Variants in IQCJ observed in about 807,000 individuals in gnomAD.
IQCJ encodes IQ domain-containing protein J.
IQCJ carries 9 observed loss-of-function variants against 11.0 expected under a neutral mutation model. The ratio of observed to expected loss-of-function variants is 0.82; its 90% CI spans 0.49 to 1.43. The LOEUF (loss-of-function observed/expected upper bound fraction) is 1.43. IQCJ is among the 40% of genes most tolerant of loss of function. The pLI is 0.00. For synonymous variants in IQCJ, 55 were observed against 51.3 expected, an observed-to-expected ratio of 1.07 and a Z score of -0.31; for missense variants, 146 against 133.2, an observed-to-expected ratio of 1.10 and a Z score of -0.47.
intron 1 of IQCJ, among the ~76,000 whole-genome samples, chr3:159,235,397 T>A (rs1016787670): frequency 2.0e-5 from 3 of 152,224 alleles, no homozygotes; most frequent in Non-Finnish European, 2.9e-5. Context: ...AGTTTTTGAA[T>A]GTCATGATCT....
At chr3:159,170,919 T>G (rs1722452555) in intron 1 of IQCJ, among the ~76,000 whole-genome samples, 1 of 152,234 alleles carries the variant, frequency 6.6e-6, no homozygotes, top group Non-Finnish European at 1.5e-5. Flanking sequence ...AGGAGCAATA[T>G]TTTCTTTAGT....
chr3:159,253,367 A>G (rs76687681), intron 3 of IQCJ, among the ~76,000 whole-genome samples: 4,838 of 152,196 alleles, frequency 0.032, 238 homozygotes, highest in African/African-American at 0.11. Flanking sequence ...CAACATCTCA[A>G]TATTAACAAA....
At chr3:159,086,682 G>C (rs749699193) in intron 1 of IQCJ, among the ~76,000 whole-genome samples, 1 of 151,828 alleles carries the variant, frequency 6.6e-6, no homozygotes, top group South Asian at 2.1e-4. Flanking sequence ...TGAAGCAATT[G>C]TGAATGGGAG....
intron 2 of IQCJ, among the ~76,000 whole-genome samples, chr3:159,251,636 A>C (rs543198833): frequency 3.9e-5 from 6 of 152,094 alleles, no homozygotes; most frequent in African/African-American, 1.2e-4. Flanking sequence ...ACACACACAC[A>C]CCCCTACCTT....
chr3:159,219,742 T>C (rs961029916), intron 1 of IQCJ, among the ~76,000 whole-genome samples: 2 of 152,096 alleles, frequency 1.3e-5, no homozygotes, highest in African/African-American at 4.8e-5. Context: ...GCTAGTCTCA[T>C]TGGGAGATAC....
At chr3:159,245,787 C>T (rs2108196072) in intron 1 of IQCJ, 56 bp from the exon 2 acceptor site, 1 of 1,402,110 alleles carries the variant, frequency 7.1e-7, no homozygotes, top group Non-Finnish European at 9.8e-7. Flanking sequence ...GCTTGAATAG[C>T]ATTGCTCGGA....
intron 1 of IQCJ, among the ~76,000 whole-genome samples, chr3:159,208,540 C>T (rs1011844036): frequency 1.3e-5 from 2 of 152,196 alleles, no homozygotes; most frequent in Non-Finnish European, 2.9e-5. Flanking sequence ...GGGTACTTGT[C>T]CTCATCCAGG....
intron 1 of IQCJ, among the ~76,000 whole-genome samples, chr3:159,183,909 A>G (rs60549804): frequency 0.048 from 7,257 of 151,454 alleles, 573 homozygotes; most frequent in African/African-American, 0.17. Context: ...CCCTATTCCT[A>G]TTTAATTCAA....
intron 1 of IQCJ, among the ~76,000 whole-genome samples, chr3:159,123,606 G>T (rs1577023719): frequency 6.6e-6 from 1 of 151,976 alleles, no homozygotes; most frequent in Non-Finnish European, 1.5e-5. Context: ...AACAGAATGG[G>T]TGGGCAGGAC....
At chr3:159,085,471 T>C (rs1716681011) in intron 1 of IQCJ, among the ~76,000 whole-genome samples, 2 of 151,680 alleles carry the variant, frequency 1.3e-5, no homozygotes, top group African/African-American at 2.4e-5. Context: ...TTTCTAGTTC[T>C]AGATCCCTGA....
intron 1 of IQCJ, among the ~76,000 whole-genome samples, chr3:159,163,682 T>C (rs1269086930): frequency 6.6e-6 from 1 of 152,154 alleles, no homozygotes; most frequent in East Asian, 1.9e-4. Flanking sequence ...TCATGTATTA[T>C]CTCACTTGAT....
At chr3:159,216,040 C>G (rs192593584) in intron 1 of IQCJ, among the ~76,000 whole-genome samples, 1 of 139,608 alleles carries the variant, frequency 7.2e-6, no homozygotes, top group Non-Finnish European at 1.5e-5. Flanking sequence ...TTTCTCCCTT[C>G]CCTTGAAGAG....
intron 1 of IQCJ, among the ~76,000 whole-genome samples, chr3:159,232,214 G>T (rs1726297748): frequency 6.6e-6 from 1 of 151,916 alleles, no homozygotes; most frequent in Non-Finnish European, 1.5e-5. Context: ...TGTTTTAATT[G>T]TGATGTTAGG....
chr3:159,252,944 T>C, intron 3 of IQCJ, 137 bp downstream of exon 3: 2 of 825,870 alleles, frequency 2.4e-6, no homozygotes, highest in East Asian at 5.5e-5. Context: ...CTCCCTCTTC[T>C]AAGCAGGAAC....
chr3:159,142,397 G>A (rs1424011511), intron 1 of IQCJ, among the ~76,000 whole-genome samples: 2 of 146,190 alleles, frequency 1.4e-5, no homozygotes, highest in African/African-American at 5.2e-5. Context: ...ATCCATGATG[G>A]TAAGTGCACT....
At chr3:159,226,595 G>T (rs915208567) in intron 1 of IQCJ, among the ~76,000 whole-genome samples, 2 of 152,190 alleles carry the variant, frequency 1.3e-5, no homozygotes, top group Non-Finnish European at 2.9e-5. Context: ...GGACCATCCC[G>T]TAAATTTCTG....
At chr3:159,156,198 C>A (rs1721511409) in intron 1 of IQCJ, among the ~76,000 whole-genome samples, 1 of 152,074 alleles carries the variant, frequency 6.6e-6, no homozygotes, top group Non-Finnish European at 1.5e-5. Flanking sequence ...ATCTTGGAGA[C>A]AAGAGAAATC....
chr3:159,257,751 T>C (rs1727977768), intron 3 of IQCJ, among the ~76,000 whole-genome samples: 2 of 152,176 alleles, frequency 1.3e-5, no homozygotes, highest in South Asian at 4.1e-4. Context: ...TATAGAAAAA[T>C]CAACTAACAG....
At chr3:159,167,501 C>T (rs1275312342) in intron 1 of IQCJ, among the ~76,000 whole-genome samples, 1 of 152,164 alleles carries the variant, frequency 6.6e-6, no homozygotes, top group East Asian at 1.9e-4. Flanking sequence ...GTTAAATTCT[C>T]ATTGGGTCAT....
Sources: allele counts gnomAD v4.1 joint callset (sites outside exome capture counted in the v4.1 genomes callset), GRCh38; gene constraint gnomAD v4.1.1; transcripts MANE v1.5; gene names NCBI Gene and HGNC (gene_info 2026-07-23, HGNC 2026-07-21).